Variants in BICRA observed in about 807,000 individuals in gnomAD.
The protein encoded by BICRA is BRD4-interacting chromatin-remodeling complex-associated protein.
Under a neutral mutation model 96.9 loss-of-function variants are expected in BICRA, and 31 were observed. That is an observed-to-expected ratio of 0.32 (90% CI 0.24 to 0.43). The LOEUF is 0.43. Ranked by LOEUF, BICRA falls within the 20% of genes least tolerant of loss-of-function variation. The probability of loss-of-function intolerance (pLI) is 1.00; values close to 1 mark genes in which losing one functional copy is unlikely to be tolerated. For missense variants in BICRA, 2,283 were observed against 2,190.3 expected (o/e 1.04, Z -0.84); for synonymous variants, 1,350 against 1,071.8 (o/e 1.26, Z -5.07).
chr19:47,682,733 G>A (rs1011564355), intron 7 of BICRA, among the ~76,000 whole-genome samples: 16 of 150,612 alleles, frequency 1.1e-4, no homozygotes, highest in Admixed American at 2.0e-4. Context: ...GTGCAGTGGC[G>A]CGATCTTGGC....
chr19:47,679,717 C>G lies in BICRA; in HGVS notation c.547C>G (p.Pro183Ala). Residue 183 changes from proline (P) to alanine (A), a missense_variant, in exon 6 of 15, where the codon CCG (proline) becomes GCG (alanine). Pro to Ala is a conservative substitution (Grantham distance 27). Transcript: ENST00000594866. ...CGTGCTGACCCACCAGGCCCTGGTG[C>G]CGCCCCAGGACGTGGTCAACAAGGC... ...PTVLTHQALV[P>A]PQDVVNKALS... The G allele has an allele frequency of 6.5e-7, 1 of 1,535,978 alleles. No individual in the cohort carries two copies. The highest frequency in any genetic ancestry group is 8.8e-7 in the Non-Finnish European group (1 of 1,142,436).
chr19:47,648,683 G>T lies in BICRA; in HGVS notation c.-107-21760G>T, dbSNP rs866468307. ...GGTCAGGAGTTTTTTTTTTTTGTTT[G>T]TTTTTTTTTTTTTGAGACAGAGTCT... On this transcript the variant is annotated intron_variant, in intron 1 of 14. Coordinates refer to ENST00000594866, the MANE Select transcript of BICRA (RefSeq NM_001394372.1). Among the ~76,000 whole-genome samples, 1,228 of 138,394 alleles carry T rather than the reference G, an allele frequency of 8.9e-3. 27 individuals carry two copies. Among genetic ancestry groups the T allele is most frequent in the African/African-American group, 0.025 (935 of 37,560 alleles). The allele number at this position is 138,394 out of a possible 152,430, so 90.8% of individuals were successfully genotyped here. A position where few individuals can be genotyped will look rare whatever the true frequency, so the allele number is the denominator to read the frequency against.
chr19:47,675,900 T>C lies in BICRA; in HGVS notation c.134T>C (p.Phe45Ser). 1 of 1,607,514 alleles carries C rather than the reference T, an allele frequency of 6.2e-7. No homozygotes were observed. Among genetic ancestry groups the C allele is most frequent in the Non-Finnish European group, 8.5e-7 (1 of 1,176,718 alleles). Residue 45 changes from phenylalanine (F) to serine (S), a missense_variant, in exon 5 of 15, where the codon TTC becomes TCC. Phe to Ser is a radical substitution (Grantham distance 155). Coordinates refer to ENST00000594866, the MANE Select transcript of BICRA (RefSeq NM_001394372.1). The surrounding 1 kb of genome is among the most constrained non-coding windows in gnomAD (Gnocchi z 4.7). ...AATCCCGGGGAGGCCCAAAGTGCCTTCTATGAAGGTCCTGGGGTAAGTGCC... is the reference window on the plus strand; with the variant it reads ...AATCCCGGGGAGGCCCAAAGTGCCTCCTATGAAGGTCCTGGGGTAAGTGCC... ...LDNPGEAQSA[F>S]YEGPGLHVQE...
chr19:47,620,681 A>AAAC (rs1043453645), intron 1 of BICRA, among the ~76,000 whole-genome samples: 6 of 150,746 alleles, frequency 4.0e-5, no homozygotes, highest in Non-Finnish European at 8.9e-5. Flanking sequence ...AAAAAAAAAA[A>AAAC]AAAAAAAACA....
Position 47,698,674 on chromosome 19 carries a change from C to T in BICRA, c.3289C>T (p.His1097Tyr). The T allele has an allele frequency of 1.9e-6, 3 of 1,578,924 alleles. No individual in the cohort carries two copies. The highest frequency in any genetic ancestry group is 2.6e-6 in the Non-Finnish European group (3 of 1,148,064). Residue 1097 changes from histidine (H) to tyrosine (Y), a missense_variant, in exon 12 of 15, where the codon CAC (histidine) becomes TAC (tyrosine). Transcript: ENST00000594866. This position sits in a 1 kb window ranked among gnomAD's most constrained non-coding sequence, Gnocchi z 4.8. ...GCACAAACACCAGGGCTCCGTCCTG[C>T]ACCCCGACTACAAGACGGCCTTCCC... ...HLHKHQGSVL[H>Y]PDYKTAFPSF...
intron 1 of BICRA, chr19:47,616,018 T>G (rs181008125): frequency 6.6e-6 from 1 of 152,438 alleles, no homozygotes; most frequent in Non-Finnish European, 1.5e-5. Context: ...ATTGTCTTCC[T>G]GAAAGGCACA....
At chr19:47,654,972 T>C (rs1311339231) in intron 1 of BICRA, among the ~76,000 whole-genome samples, 3 of 152,000 alleles carry the variant, frequency 2.0e-5, no homozygotes, top group Non-Finnish European at 4.4e-5. Context: ...TTCCAAGATA[T>C]CATATTTGCA....
In BICRA at chr19:47,673,684, C is replaced by T. The variant is rs1315669878; in HGVS notation, c.42-36C>T. On this transcript the variant is annotated intron_variant, in intron 3 of 14. Transcript: ENST00000594866. ...CTCCCTTCCCTCCCCTCCCCAGCTC[C>T]TTACCTCCTCAGCGTCTCTTCCTCT... 14 of 1,602,664 alleles carry T rather than the reference C, an allele frequency of 8.7e-6. No individual in the cohort carries two copies. In the African/African-American group the frequency reaches 1.1e-4, roughly 12 times the overall value.
intron 1 of BICRA, among the ~76,000 whole-genome samples, chr19:47,610,618 CACA>C (rs1270223629): frequency 4.1e-5 from 5 of 121,406 alleles, no homozygotes; most frequent in African/African-American, 1.6e-4. Context: ...ACCCCCCCCC[CACA>C]CACACACCTA....
chr19:47,637,042 G>A (rs531337793), intron 1 of BICRA, among the ~76,000 whole-genome samples: 78 of 152,202 alleles, frequency 5.1e-4, no homozygotes, highest in East Asian at 1.5e-3. Flanking sequence ...TCCCTTGCGC[G>A]TCTCTCTCAC....
chr19:47,610,282 C>T lies in BICRA; in HGVS notation c.-108+1114C>T, dbSNP rs1468947348. ...CTGCTTCCCCGACTCCTGTCACGGG[C>T]GGCCGCGGGGAGACGAGGGACCAGG... On this transcript the variant is annotated intron_variant, in intron 1 of 14. Coordinates refer to ENST00000594866, the MANE Select transcript of BICRA (RefSeq NM_001394372.1). 6.6e-5 allele frequency among the ~76,000 whole-genome samples: 10 copies of T among 152,302 alleles called. No individual in the cohort carries two copies. In the South Asian group the frequency reaches 1.0e-3, roughly 16 times the overall value.
chr19:47,646,483 A>G (rs1972461659), intron 1 of BICRA, among the ~76,000 whole-genome samples: 1 of 152,222 alleles, frequency 6.6e-6, no homozygotes, highest in African/African-American at 2.4e-5. Context: ...CACCATGCTT[A>G]AGAACATTTC....
chr19:47,640,956 G>A (rs1972375965), intron 1 of BICRA, among the ~76,000 whole-genome samples: 1 of 142,422 alleles, frequency 7.0e-6, no homozygotes, highest in Non-Finnish European at 1.5e-5. Flanking sequence ...CTGGAGTGCA[G>A]TGACATGATC....
Position 47,676,233 on chromosome 19 carries a change from G to A in BICRA, c.150+317G>A, listed in dbSNP as rs560296548. Among the ~76,000 whole-genome samples, 27 of 152,196 alleles carry A rather than the reference G, an allele frequency of 1.8e-4. No homozygotes were observed. In the South Asian group the frequency reaches 4.8e-3, roughly 27 times the overall value. On this transcript the variant is annotated intron_variant, in intron 5 of 14. Coordinates refer to ENST00000594866, the MANE Select transcript of BICRA (RefSeq NM_001394372.1). ...GGTTCTGGGGAGCTGAAGCGGATGT[G>A]GGTTGTGGGGTTCACAGGGGCACTC...
chr19:47,665,986 T>G (rs1167755114), intron 1 of BICRA, among the ~76,000 whole-genome samples: 2 of 152,214 alleles, frequency 1.3e-5, no homozygotes, highest in Non-Finnish European at 2.9e-5. Context: ...AGTCGCCCCA[T>G]TAGATAGCAT....
chr19:47,701,277 C>G lies in BICRA; in HGVS notation c.3596-51C>G, dbSNP rs367973690. ...TGCACACAGCTCCTCCCAGCTCGGT[C>G]GGGGGGTCCTCATCCTAACCCCGCG... On this transcript the variant is annotated intron_variant, in intron 14 of 14. Transcript: ENST00000594866. This position sits in a 1 kb window ranked among gnomAD's most constrained non-coding sequence, Gnocchi z 5.4. 1.3e-5 allele frequency: 18 copies of G among 1,350,314 alleles called. No individual in the cohort carries two copies. The highest frequency in any genetic ancestry group is 1.9e-5 in the Non-Finnish European group (18 of 957,220). The allele number at this position is 1,350,314 out of a possible 1,614,324, so 83.6% of individuals were successfully genotyped here. A position where few individuals can be genotyped will look rare whatever the true frequency, so the allele number is the denominator to read the frequency against.
At chr19:47,663,354 C>T (rs1291756427) in intron 1 of BICRA, 1 of 152,266 alleles carries the variant, frequency 6.6e-6, no homozygotes, top group Non-Finnish European at 1.5e-5. Flanking sequence ...CCACTGCACT[C>T]CAGCCTGGGT....
chr19:47,642,613 G>A (rs1048414699), intron 1 of BICRA, among the ~76,000 whole-genome samples: 4 of 152,020 alleles, frequency 2.6e-5, no homozygotes, highest in African/African-American at 9.7e-5. Context: ...GAGGCAGGAG[G>A]ACCTCTTGAG....
Position 47,702,383 on chromosome 19 carries a change from G to T in BICRA, c.4651G>T (p.Gly1551Cys), listed in dbSNP as rs368080256. The change falls in exon 15 of 15, where the codon GGT (glycine) becomes TGT (cysteine). Residue 1551 changes from glycine to cysteine, a missense_variant. Transcript: ENST00000594866. ...GGCCTACCCACCCTCCAGTCACAACGGTGGCCTCGGCGCCAGGACGTTGAC... is the reference window on the plus strand; with the variant it reads ...GGCCTACCCACCCTCCAGTCACAACTGTGGCCTCGGCGCCAGGACGTTGAC... Reference protein sequence around the residue: ...PEAYPPSSHNGGLGARTLTR With the variant: ...PEAYPPSSHNCGLGARTLTR The T allele has an allele frequency of 2.0e-6, 3 of 1,518,028 alleles. No individual in the cohort carries two copies. The highest frequency in any genetic ancestry group is 2.6e-6 in the Non-Finnish European group (3 of 1,145,654). 94.0% of individuals were successfully genotyped at this position (1,518,028 alleles called of 1,614,324 possible).
Sources: allele counts gnomAD v4.1 joint callset (sites outside exome capture counted in the v4.1 genomes callset), GRCh38; gene constraint gnomAD v4.1.1; non-coding constraint Gnocchi (gnomAD v3.1); transcripts MANE v1.5; gene names NCBI Gene and HGNC (gene_info 2026-07-23, HGNC 2026-07-21).